Variants in TM7SF3 observed in about 807,000 individuals in gnomAD.
TM7SF3 encodes transmembrane 7 superfamily member 3.
In TM7SF3, 60 loss-of-function variants were observed where a neutral mutation model predicts 65.5. That is an observed-to-expected ratio of 0.92 (90% CI 0.74 to 1.14). TM7SF3 has a LOEUF of 1.14. TM7SF3 is among the 50% of genes most tolerant of loss of function. The pLI is 0.00. For synonymous variants in TM7SF3, 264 were observed against 259.6 expected, an observed-to-expected ratio of 1.02 and a Z score of -0.16; for missense variants, 623 against 684.8, an observed-to-expected ratio of 0.91 and a Z score of 1.01.
intron 7 of TM7SF3, among the ~76,000 whole-genome samples, chr12:26,982,112 C>T (rs1458061720): frequency 6.6e-6 from 1 of 152,034 alleles, no homozygotes; most frequent in Non-Finnish European, 1.5e-5. Context: ...TGGCTCACTG[C>T]AACCTCTGCC....
intron 1 of TM7SF3, chr12:27,012,972 T>G: frequency 5.2e-6 from 1 of 194,054 alleles, no homozygotes; most frequent in Non-Finnish European, 1.0e-5. Context: ...CACTCCAGCC[T>G]AGGCGACAGA....
At chr12:26,983,899 G>C (rs1407507121) in intron 6 of TM7SF3, among the ~76,000 whole-genome samples, 1 of 152,086 alleles carries the variant, frequency 6.6e-6, no homozygotes, top group Non-Finnish European at 1.5e-5. Context: ...ACCATCATGA[G>C]ATAAACCCAA....
intron 6 of TM7SF3, among the ~76,000 whole-genome samples, chr12:26,984,951 T>C (rs895664146): frequency 6.6e-5 from 10 of 152,208 alleles, no homozygotes; most frequent in African/African-American, 2.4e-4. Context: ...GCAATATGGA[T>C]ATAGTCTCCC....
chr12:26,976,332 A>G lies in TM7SF3; in HGVS notation c.1215T>C (p.Asp405=). Residue 405 remains aspartate (D), a synonymous_variant, in exon 10 of 12, where the codon GAT becomes GAC. Coordinates refer to ENST00000343028, the MANE Select transcript of TM7SF3 (RefSeq NM_016551.3). ...AAGAGAAAGTGACCCAGAATACACC[A>G]TCATCATGAAAAATCTTTAGGTTTC... ...PLGNLKIFHD[D]GVFWVTFSCI... 6.2e-7 allele frequency: 1 copy of G among 1,613,918 alleles called. No homozygotes were observed. The highest frequency in any genetic ancestry group is 8.5e-7 in the Non-Finnish European group (1 of 1,179,866).
chr12:26,997,930 A>G (rs1370939528), intron 3 of TM7SF3, among the ~76,000 whole-genome samples: 1 of 150,556 alleles, frequency 6.6e-6, no homozygotes, highest in Non-Finnish European at 1.5e-5. Flanking sequence ...GGTTCAAGCA[A>G]TTCTCCTGCC....
chr12:26,988,378 G>GGT (rs1478047349), intron 6 of TM7SF3, among the ~76,000 whole-genome samples: 2 of 152,120 alleles, frequency 1.3e-5, no homozygotes, highest in African/African-American at 2.4e-5. Context: ...TGCCCAGGCT[G>GGT]GTCTTGAACT....
intron 1 of TM7SF3, chr12:27,012,770 C>A: frequency 2.2e-6 from 1 of 455,166 alleles, no homozygotes; most frequent in South Asian, 1.6e-5. Context: ...GAGGCCAAGG[C>A]GGGCAGATCA....
intron 1 of TM7SF3, among the ~76,000 whole-genome samples, chr12:27,008,033 C>T (rs899429814): frequency 1.3e-5 from 2 of 152,096 alleles, no homozygotes; most frequent in East Asian, 3.9e-4. Context: ...CTGTGCATGT[C>T]TTTTGGTACA....
chr12:27,003,273 T>C lies in TM7SF3; in HGVS notation c.209A>G (p.His70Arg). The C allele has an allele frequency of 3.1e-6, 5 of 1,612,994 alleles. No homozygotes were observed. Among genetic ancestry groups the C allele is most frequent in the Non-Finnish European group, 3.4e-6 (4 of 1,179,232 alleles). ...AACAGTTGTATTCTGATACTGTGAG[T>C]GTATTTGGAAAATAAGAAAAGTCAC... Reference protein sequence around the residue: ...SNVTFLIFQIHSQYQNTTVSF... With the variant: ...SNVTFLIFQIRSQYQNTTVSF... The change falls in exon 2 of 12, where the codon CAC (histidine) becomes CGC (arginine). Residue 70 changes from histidine (H) to arginine (R), a missense_variant. His to Arg is a conservative substitution (Grantham distance 29). Coordinates refer to ENST00000343028, the MANE Select transcript of TM7SF3 (RefSeq NM_016551.3).
chr12:26,994,830 T>C (rs761328445), intron 5 of TM7SF3, among the ~76,000 whole-genome samples: 1 of 152,208 alleles, frequency 6.6e-6, no homozygotes, highest in Non-Finnish European at 1.5e-5. Flanking sequence ...AAGTTAGACT[T>C]TGAGTTTGGG....
At chr12:26,994,860 G>A (rs542266263) in intron 5 of TM7SF3, among the ~76,000 whole-genome samples, 67 of 152,334 alleles carry the variant, frequency 4.4e-4, no homozygotes, top group Admixed American at 4.4e-3. Context: ...GAATGCCAAT[G>A]TGTATATCCT....
At position 26,996,798 on chromosome 12, in the gene TM7SF3, C is replaced by T; in HGVS notation, c.462G>A (p.Glu154=). 1.9e-6 allele frequency: 3 copies of T among 1,613,834 alleles called. No homozygotes were observed. Among genetic ancestry groups the T allele is most frequent in the Non-Finnish European group, 2.5e-6 (3 of 1,179,906 alleles). The change falls in exon 4 of 12, where the codon GAG becomes GAA. Residue 154 remains glutamate (E), a synonymous_variant. Coordinates refer to ENST00000343028, the MANE Select transcript of TM7SF3 (RefSeq NM_016551.3). ...DLDIDPNIYL[E]YNFFETTIKF... ...TGATAGTCGTTTCAAAGAAATTATA[C>T]TCCAAGTAAATGTTGGGATCAATAT...
rs144765532 is a variant in TM7SF3, at chr12:27,014,287, G to T, written c.-119C>A. On this transcript the variant is annotated 5_prime_UTR_variant, in exon 1 of 12. Transcript: ENST00000343028. ...GCGCCCGCATCGGGCGCCATCGCCCGCCAGGTGCAGACGCTTCGCACCTGC... is the reference window on the plus strand; with the variant it reads ...GCGCCCGCATCGGGCGCCATCGCCCTCCAGGTGCAGACGCTTCGCACCTGC... 1 of 848,924 alleles carries T rather than the reference G, an allele frequency of 1.2e-6. No homozygotes were observed. The highest frequency in any genetic ancestry group is 1.7e-6 in the Non-Finnish European group (1 of 588,350). 52.6% of individuals were successfully genotyped at this position (848,924 alleles called of 1,614,324 possible).
At chr12:26,985,652 A>AATATATATATATAT (rs71069288) in intron 6 of TM7SF3, among the ~76,000 whole-genome samples, 1 of 39,116 alleles carries the variant, frequency 2.6e-5, no homozygotes, top group Non-Finnish European at 4.4e-5. Flanking sequence ...AAAAAAAAAA[A>AATATATATATATAT]ATATATATAT....
intron 1 of TM7SF3, among the ~76,000 whole-genome samples, chr12:27,012,115 AC>A (rs1236562726): frequency 6.6e-6 from 1 of 152,182 alleles, no homozygotes; most frequent in African/African-American, 2.4e-5. Flanking sequence ...AGTACAAAGC[AC>A]CATGCCATGT....
At chr12:26,980,833 G>C (rs1308285863) in intron 7 of TM7SF3, among the ~76,000 whole-genome samples, 187 bp from the exon 8 acceptor site, 3 of 152,134 alleles carry the variant, frequency 2.0e-5, no homozygotes, top group African/African-American at 4.8e-5. Context: ...AGCCATGGGA[G>C]TAATTATTAT....
At chr12:27,013,624 C>A (rs1029229304) in intron 1 of TM7SF3, among the ~76,000 whole-genome samples, 1 of 152,118 alleles carries the variant, frequency 6.6e-6, no homozygotes, top group Admixed American at 6.5e-5. Flanking sequence ...CTCTGTAGAA[C>A]ATAACCAGTT....
intron 7 of TM7SF3, among the ~76,000 whole-genome samples, chr12:26,982,563 T>C (rs893969366): frequency 3.9e-5 from 6 of 152,086 alleles, no homozygotes; most frequent in Non-Finnish European, 8.8e-5. Flanking sequence ...TGTATTCCCC[T>C]GTTAATAAGA....
chr12:26,984,858 G>A (rs1939974690), intron 6 of TM7SF3, among the ~76,000 whole-genome samples: 1 of 152,148 alleles, frequency 6.6e-6, no homozygotes, highest in Admixed American at 6.5e-5. Flanking sequence ...ACTAGGACAG[G>A]AGCAAGTTGA....
Sources: allele counts gnomAD v4.1 joint callset (sites outside exome capture counted in the v4.1 genomes callset), GRCh38; gene constraint gnomAD v4.1.1; transcripts MANE v1.5; gene names NCBI Gene and HGNC (gene_info 2026-07-23, HGNC 2026-07-21).